SDK1: variants seen among roughly 807,000 people sequenced by gnomAD.
SDK1 encodes sidekick cell adhesion molecule 1.
A neutral mutation model predicts 245.5 loss-of-function variants in SDK1; 157 were observed. That is an observed-to-expected ratio of 0.64 (90% CI 0.56 to 0.73). The LOEUF (loss-of-function observed/expected upper bound fraction) is 0.73, where lower values mean the gene tolerates loss of function less well. Among genes scored for constraint, SDK1 ranks in the 30% least tolerant of loss-of-function variants. The pLI is 0.00. For missense variants in SDK1, 3,583 were observed against 3,002.3 expected (o/e 1.19, Z -4.52); for synonymous variants, 1,647 against 1,278.5 (o/e 1.29, Z -6.15).
At chr7:3,331,472 G>C (rs550816947) in intron 1 of SDK1, among the ~76,000 whole-genome samples, 12 of 152,106 alleles carry the variant, frequency 7.9e-5, no homozygotes, top group African/African-American at 2.9e-4. Context: ...CAGATCCTTT[G>C]CCCGTTTTTT....
At chr7:3,728,829 C>T (rs377310398) in intron 4 of SDK1, among the ~76,000 whole-genome samples, 1 of 152,118 alleles carries the variant, frequency 6.6e-6, no homozygotes, top group African/African-American at 2.4e-5. Context: ...TGGTCTCAAA[C>T]TCCTGACCTC....
At chr7:3,719,119 A>G (rs1237378953) in intron 4 of SDK1, among the ~76,000 whole-genome samples, 1 of 152,132 alleles carries the variant, frequency 6.6e-6, no homozygotes, top group Non-Finnish European at 1.5e-5. Flanking sequence ...CCAAGTCTGT[A>G]TTTCATTTGG....
intron 1 of SDK1, among the ~76,000 whole-genome samples, chr7:3,346,470 T>C (rs560012788): frequency 1.4e-4 from 22 of 152,160 alleles, no homozygotes; most frequent in Non-Finnish European, 2.9e-4. Flanking sequence ...TGTGCTGTGC[T>C]TTCTGGTGCC....
intron 5 of SDK1, among the ~76,000 whole-genome samples, chr7:3,828,085 C>G (rs1779821869): frequency 6.6e-6 from 1 of 152,056 alleles, no homozygotes; most frequent in South Asian, 2.1e-4. Flanking sequence ...TGAGACCAGC[C>G]TAACTAATAT....
intron 1 of SDK1, among the ~76,000 whole-genome samples, chr7:3,507,739 T>G (rs1782438187): frequency 6.6e-6 from 1 of 152,174 alleles, no homozygotes; most frequent in Admixed American, 6.5e-5. Flanking sequence ...ATGGTCAAAT[T>G]TTTCCTTCAG....
chr7:4,104,148 C>T (rs1359262153), intron 22 of SDK1, among the ~76,000 whole-genome samples: 1 of 152,200 alleles, frequency 6.6e-6, no homozygotes, highest in Non-Finnish European at 1.5e-5. Flanking sequence ...CAGCCTAGAC[C>T]CTCAGAGCTC....
chr7:4,074,898 ATATATATATATATATATAT>A (rs1340228716), intron 20 of SDK1, among the ~76,000 whole-genome samples: 1 of 56,780 alleles, frequency 1.8e-5, no homozygotes, highest in Non-Finnish European at 3.1e-5. Flanking sequence ...ATATATATAT[ATATATATATATATATATAT>A]TTTTTTTTTT....
chr7:4,169,514 T>C (rs569814036), intron 32 of SDK1, among the ~76,000 whole-genome samples: 1 of 152,328 alleles, frequency 6.6e-6, no homozygotes, highest in Admixed American at 6.5e-5. Context: ...CGCCATTCCC[T>C]GCAGTTATCC....
At chr7:4,086,220 T>G (rs1041353956) in intron 22 of SDK1, among the ~76,000 whole-genome samples, 6 of 152,146 alleles carry the variant, frequency 3.9e-5, no homozygotes, top group East Asian at 1.9e-4. Context: ...GTCTGCCCGG[T>G]GTGCATGAGC....
intron 5 of SDK1, among the ~76,000 whole-genome samples, chr7:3,850,898 A>G (rs948584987): frequency 1.3e-5 from 2 of 152,126 alleles, no homozygotes; most frequent in African/African-American, 4.8e-5. Context: ...TAAGAGATAT[A>G]CCTAATGTAA....
At position 4,042,231 on chromosome 7, in the gene SDK1, T is replaced by A. The variant is rs997716886; in HGVS notation, c.2603-7117T>A. On this transcript the variant is annotated intron_variant, in intron 17 of 44. Coordinates refer to ENST00000404826, the MANE Select transcript of SDK1 (RefSeq NM_152744.4). Reference sequence around the variant, plus strand: ...GAGGCACAGTGAGAGACCACTGCACTGTCCCACCTCCTTCTTCCCCATCCA... The same window carrying A: ...GAGGCACAGTGAGAGACCACTGCACAGTCCCACCTCCTTCTTCCCCATCCA... 4.4e-5 allele frequency among the ~76,000 whole-genome samples: 6 copies of A among 136,348 alleles called. 2 individuals are homozygous for A. Among genetic ancestry groups the A allele is most frequent in the Admixed American group, 4.1e-4 (6 of 14,568 alleles). The allele number at this position is 136,348 out of a possible 152,430, so 89.4% of individuals were successfully genotyped here.
intron 4 of SDK1, among the ~76,000 whole-genome samples, chr7:3,724,207 C>T (rs1212027216): frequency 2.0e-5 from 3 of 151,946 alleles, no homozygotes; most frequent in Admixed American, 2.0e-4. Context: ...TCAGGTGATC[C>T]ACCCACCTTG....
intron 4 of SDK1, among the ~76,000 whole-genome samples, chr7:3,749,063 T>A (rs999044803): frequency 6.6e-6 from 1 of 152,242 alleles, no homozygotes; most frequent in Non-Finnish European, 1.5e-5. Flanking sequence ...ATATTCTCAC[T>A]ATTCTTTGCC....
At chr7:3,568,170 G>T (rs529973798) in intron 1 of SDK1, among the ~76,000 whole-genome samples, 1 of 152,312 alleles carries the variant, frequency 6.6e-6, no homozygotes, top group African/African-American at 2.4e-5. Context: ...GTTTGAACCA[G>T]TGTCATTATT....
chr7:3,488,770 A>G (rs575889575), intron 1 of SDK1, among the ~76,000 whole-genome samples: 18 of 152,084 alleles, frequency 1.2e-4, no homozygotes, highest in South Asian at 8.3e-4. Context: ...CCTACATTCA[A>G]TTCTTCCCTA....
At chr7:3,403,997 G>C (rs1488274916) in intron 1 of SDK1, among the ~76,000 whole-genome samples, 1 of 150,732 alleles carries the variant, frequency 6.6e-6, no homozygotes, top group East Asian at 1.9e-4. Flanking sequence ...TGGTTTCCCA[G>C]TGCATATAAA....
chr7:3,514,698 G>C lies in SDK1; in HGVS notation c.299-104382G>C, dbSNP rs150754150. ...TTAGCTGTCATTTAAGGAGGTTTCT[G>C]AATATTGCCAAGTAGTACTTAGACC... On this transcript the variant is annotated intron_variant, in intron 1 of 44. Transcript: ENST00000404826. Among the ~76,000 whole-genome samples, 1,195 of 152,262 alleles carry C rather than the reference G, an allele frequency of 7.8e-3. 20 individuals carry two copies. Among genetic ancestry groups the C allele is most frequent in the African/African-American group, 0.027 (1,138 of 41,570 alleles).
intron 35 of SDK1, among the ~76,000 whole-genome samples, chr7:4,181,635 C>T (rs1257107442): frequency 6.6e-6 from 1 of 152,222 alleles, no homozygotes; most frequent in Non-Finnish European, 1.5e-5. Context: ...AACACACCCA[C>T]ACCCTCCACG....
intron 19 of SDK1, among the ~76,000 whole-genome samples, chr7:4,065,966 G>A (rs1156503049): frequency 6.6e-6 from 1 of 151,962 alleles, no homozygotes; most frequent in Admixed American, 6.6e-5. Flanking sequence ...TGAAAGACTT[G>A]CATTTTTTAT....
Sources: gnomAD v4.1 joint callset for allele counts (sites outside exome capture counted in the v4.1 genomes callset) on GRCh38, gnomAD v4.1.1 for gene constraint, MANE v1.5 for transcripts, NCBI Gene and HGNC (gene_info 2026-07-23, HGNC 2026-07-21) for gene names.